Variants in GRIK2 observed in about 807,000 individuals in gnomAD.
GRIK2 encodes the protein glutamate ionotropic receptor kainate type subunit 2, also known as glutamate receptor ionotropic, kainate 2.
In GRIK2, 32 loss-of-function variants were observed where a neutral mutation model predicts 100.3. That is an observed-to-expected ratio of 0.32 (90% CI 0.24 to 0.43). The LOEUF is 0.43. Among genes scored for constraint, GRIK2 ranks in the 20% least tolerant of loss-of-function variants. The pLI is 1.00. For missense variants in GRIK2, 843 were observed against 1,114.9 expected (o/e 0.76, Z 3.47); for synonymous variants, 417 against 389.4 (o/e 1.07, Z -0.83).
chr6:101,630,900 C>A (rs554563178), intron 4 of GRIK2, among the ~76,000 whole-genome samples: 2 of 151,530 alleles, frequency 1.3e-5, no homozygotes, highest in East Asian at 3.9e-4. Context: ...ATTATGTATG[C>A]TGTTGCTCCC....
At chr6:101,876,480 AACAAACAC>A (rs1279674517) in intron 11 of GRIK2, among the ~76,000 whole-genome samples, 21 of 52,120 alleles carry the variant, frequency 4.0e-4, no homozygotes, top group African/African-American at 1.3e-3. Context: ...AGAAAACAAA[AACAAACAC>A]ACACACACAC....
intron 16 of GRIK2, chr6:102,064,010 T>C: frequency 6.4e-7 from 1 of 1,553,914 alleles, no homozygotes; most frequent in Admixed American, 1.7e-5. Flanking sequence ...CACTGTTTAG[T>C]AATCTTTTGA....
intron 7 of GRIK2, among the ~76,000 whole-genome samples, chr6:101,738,123 CAT>C (rs749716527): frequency 1.8e-4 from 27 of 151,520 alleles, no homozygotes; most frequent in Non-Finnish European, 8.8e-5. Flanking sequence ...ATTATCCTAA[CAT>C]AGGAAAAAAT....
chr6:101,576,021 T>C lies in GRIK2; in HGVS notation c.116-45928T>C, dbSNP rs969920169. On this transcript the variant is annotated intron_variant, in intron 2 of 16. Coordinates refer to ENST00000369134, the MANE Select transcript of GRIK2 (RefSeq NM_021956.5). Reference sequence around the variant, plus strand: ...AAGATGTTTGAGTCTAGAATTTGTGTATTTAATAGGGCATATGATATAATA... The same window carrying C: ...AAGATGTTTGAGTCTAGAATTTGTGCATTTAATAGGGCATATGATATAATA... Among the ~76,000 whole-genome samples, 7 of 152,048 alleles carry C rather than the reference T, an allele frequency of 4.6e-5. No individual in the cohort carries two copies. In the South Asian group the frequency reaches 1.4e-3, roughly 31 times the overall value.
chr6:101,592,593 A>ATATATATATC, intron 2 of GRIK2, among the ~76,000 whole-genome samples: 1 of 38,254 alleles, frequency 2.6e-5, no homozygotes, highest in Non-Finnish European at 5.2e-5. Context: ...TATCACATAT[A>ATATATATATC]TATATATATA....
At chr6:101,922,751 A>G (rs1789641497) in intron 12 of GRIK2, among the ~76,000 whole-genome samples, 2 of 152,184 alleles carry the variant, frequency 1.3e-5, no homozygotes, top group Non-Finnish European at 2.9e-5. Flanking sequence ...GAGCCCGTTC[A>G]TGATCTAACC....
intron 2 of GRIK2, among the ~76,000 whole-genome samples, chr6:101,446,947 G>A (rs1770411994): frequency 7.0e-6 from 1 of 143,362 alleles, no homozygotes; most frequent in African/African-American, 2.5e-5. Context: ...TATATTTTAT[G>A]TGTGTATATA....
chr6:101,900,755 C>T (rs1370054531), intron 12 of GRIK2, among the ~76,000 whole-genome samples: 3 of 151,830 alleles, frequency 2.0e-5, no homozygotes, highest in Non-Finnish European at 4.4e-5. Flanking sequence ...ACTTTACGTG[C>T]CTTATATCTT....
chr6:101,876,007 GTT>G (rs545250019), intron 11 of GRIK2, among the ~76,000 whole-genome samples: 2 of 140,870 alleles, frequency 1.4e-5, no homozygotes, highest in East Asian at 5.3e-4. Context: ...GTGTTTATGT[GTT>G]TGTGTGTGTG....
At chr6:101,839,046 TTTTG>T (rs906529969) in intron 10 of GRIK2, among the ~76,000 whole-genome samples, 9 of 152,104 alleles carry the variant, frequency 5.9e-5, no homozygotes, top group Middle Eastern at 3.4e-3. Context: ...CCTGCACCAG[TTTTG>T]TTTGTTTGTT....
intron 4 of GRIK2, among the ~76,000 whole-genome samples, chr6:101,638,002 T>A (rs1201137072): frequency 1.3e-5 from 2 of 151,934 alleles, no homozygotes; most frequent in African/African-American, 2.4e-5. Context: ...ATATTTAGAA[T>A]ATTATTTCTT....
intron 7 of GRIK2, among the ~76,000 whole-genome samples, chr6:101,724,715 A>T (rs1404705271): frequency 6.6e-6 from 1 of 152,058 alleles, no homozygotes; most frequent in African/African-American, 2.4e-5. Flanking sequence ...TCCAGACACA[A>T]TTCCAATATT....
intron 11 of GRIK2, among the ~76,000 whole-genome samples, chr6:101,867,944 T>G (rs1225331022): frequency 1.3e-5 from 2 of 151,782 alleles, no homozygotes; most frequent in Middle Eastern, 3.4e-3. Flanking sequence ...ATACCCCCAA[T>G]GTACACTATT....
At chr6:101,986,978 A>T (rs1443920710) in intron 14 of GRIK2, among the ~76,000 whole-genome samples, 1 of 151,668 alleles carries the variant, frequency 6.6e-6, no homozygotes, top group Non-Finnish European at 1.5e-5. Flanking sequence ...CAGCTATATT[A>T]AAAAATAAAA....
intron 7 of GRIK2, among the ~76,000 whole-genome samples, chr6:101,746,809 TC>T (rs1392914867): frequency 5.3e-5 from 8 of 152,116 alleles, no homozygotes; most frequent in African/African-American, 1.9e-4. Flanking sequence ...ACATATATAC[TC>T]CCAAACACAC....
intron 2 of GRIK2, among the ~76,000 whole-genome samples, chr6:101,548,344 T>G (rs1215440635): frequency 1.3e-5 from 2 of 152,218 alleles, no homozygotes; most frequent in East Asian, 3.8e-4. Context: ...ATTTGTCAAT[T>G]TTGGCTTTTG....
chr6:101,944,294 A>C (rs902475330), intron 14 of GRIK2, among the ~76,000 whole-genome samples: 9 of 152,172 alleles, frequency 5.9e-5, no homozygotes, highest in African/African-American at 2.2e-4. Flanking sequence ...AAGTGTGAAA[A>C]TGAACTAATA....
intron 7 of GRIK2, among the ~76,000 whole-genome samples, chr6:101,724,693 A>G (rs1774738709): frequency 6.6e-6 from 1 of 152,028 alleles, no homozygotes; most frequent in African/African-American, 2.4e-5. Context: ...AGGAGGCATT[A>G]ATGAAAGATG....
Position 101,405,026 on chromosome 6 carries a change from C to G in GRIK2, c.115+5634C>G, listed in dbSNP as rs774733556. 3.3e-5 allele frequency among the ~76,000 whole-genome samples: 5 copies of G among 152,158 alleles called. No homozygotes were observed. In the East Asian group the frequency reaches 9.7e-4, roughly 29 times the overall value. On this transcript the variant is annotated intron_variant, in intron 2 of 16. Coordinates refer to ENST00000369134, the MANE Select transcript of GRIK2 (RefSeq NM_021956.5). ...CACAGCGGTCATGGGGCGATAAAGA[C>G]CATTTGGATTTAATGGAATTTAAAA... is the stretch of plus-strand genomic sequence containing the variant.
Sources: gnomAD v4.1 joint callset for allele counts (sites outside exome capture counted in the v4.1 genomes callset) on GRCh38, gnomAD v4.1.1 for gene constraint, MANE v1.5 for transcripts, NCBI Gene and HGNC (gene_info 2026-07-23, HGNC 2026-07-21) for gene names.